CALU: variants seen among roughly 807,000 people sequenced by gnomAD.
The protein encoded by CALU is IEF SSP 9302.
CALU carries 13 observed loss-of-function variants against 37.5 expected under a neutral mutation model. The observed-to-expected ratio is 0.35, with a 90% CI of 0.23 to 0.55. CALU has a LOEUF of 0.55. CALU is among the 20% of genes least tolerant of loss of function. CALU has a pLI of 0.89. For missense variants in CALU, 282 were observed against 391.7 expected (o/e 0.72, Z 2.36); for synonymous variants, 114 against 133.8 (o/e 0.85, Z 1.02).
intron 1 of CALU, among the ~76,000 whole-genome samples, chr7:128,742,420 A>G (rs1800273459): frequency 6.6e-6 from 1 of 152,250 alleles, no homozygotes; most frequent in South Asian, 2.1e-4. Context: ...CATTTCTCCC[A>G]ATTGTTAACA....
At chr7:128,755,411 T>C (rs1800843625) in intron 3 of CALU, among the ~76,000 whole-genome samples, 1 of 150,502 alleles carries the variant, frequency 6.6e-6, no homozygotes, top group Non-Finnish European at 1.5e-5. Flanking sequence ...CCCAGTAAAG[T>C]GTTGGACCTA....
intron 3 of CALU, among the ~76,000 whole-genome samples, chr7:128,758,455 C>T (rs777262835): frequency 9.2e-5 from 14 of 152,146 alleles, no homozygotes; most frequent in South Asian, 2.1e-4. Context: ...CCTATGAAGC[C>T]GGCACCATTG....
chr7:128,772,732 T>A lies in CALU; in HGVS notation c.*3565T>A. 6.3e-7 allele frequency: 1 copy of A among 1,595,758 alleles called. No homozygotes were observed. Among genetic ancestry groups the A allele is most frequent in the South Asian group, 1.1e-5 (1 of 90,412 alleles). ...ATGGGAAAAAAGACCTTATTCTCTGTATCACCAAAGCCTTGCACAATGCTT... is the reference window on the plus strand; with the variant it reads ...ATGGGAAAAAAGACCTTATTCTCTGAATCACCAAAGCCTTGCACAATGCTT... On this transcript the variant is annotated 3_prime_UTR_variant, in exon 7 of 7. Coordinates refer to ENST00000249364, the MANE Select transcript of CALU (RefSeq NM_001219.5).
rs1007417450 is a variant in CALU, at chr7:128,772,721, C to T, written c.*3554C>T. ...GATGAGGAAGTATGGGAAAAAAGACCTTATTCTCTGTATCACCAAAGCCTT... is the reference window on the plus strand; with the variant it reads ...GATGAGGAAGTATGGGAAAAAAGACTTTATTCTCTGTATCACCAAAGCCTT... On this transcript the variant is annotated 3_prime_UTR_variant, in exon 7 of 7. Coordinates refer to ENST00000249364, the MANE Select transcript of CALU (RefSeq NM_001219.5). The T allele has an allele frequency of 1.2e-6, 2 of 1,607,838 alleles. No individual in the cohort carries two copies. The highest frequency in any genetic ancestry group is 2.2e-5 in the East Asian group (1 of 44,854).
chr7:128,749,105 G>GA (rs1466020834), intron 2 of CALU, among the ~76,000 whole-genome samples: 7 of 152,246 alleles, frequency 4.6e-5, no homozygotes, highest in Middle Eastern at 3.4e-3. Context: ...AGCATGGGGG[G>GA]ATTTCTCATC....
Position 128,754,258 on chromosome 7 carries a change from A to G in CALU, c.222-4A>G. 1.5e-5 allele frequency: 24 copies of G among 1,601,612 alleles called. No individual in the cohort carries two copies. Among genetic ancestry groups the G allele is most frequent in the Non-Finnish European group, 2.0e-5 (24 of 1,173,544 alleles). On this transcript the variant is annotated splice_polypyrimidine_tract_variant and splice_region_variant and intron_variant, in intron 2 of 6. Coordinates refer to ENST00000249364, the MANE Select transcript of CALU (RefSeq NM_001219.5). ...TTTGCTGGATTTCTCTGCATTTTCT[A>G]CAGAAAGATTGTAAGTAAAATAGAT...
In CALU at chr7:128,769,183, T is replaced by G. The variant is rs756419950; in HGVS notation, c.*16T>G. 6 of 1,278,094 alleles carry G rather than the reference T, an allele frequency of 4.7e-6. No individual in the cohort carries two copies. The Admixed American group carries it at 1.1e-4, about 24-fold the overall frequency. The allele number at this position is 1,278,094 out of a possible 1,614,324, so 79.2% of individuals were successfully genotyped here. A position where few individuals can be genotyped will look rare whatever the true frequency, so the allele number is the denominator to read the frequency against. ...TGAGTTCTGAGCTACGGAGGAACCC[T>G]CATTTCCTCAAAAGTAATTTATTTT... On this transcript the variant is annotated 3_prime_UTR_variant, in exon 7 of 7. Transcript: ENST00000249364.
intron 2 of CALU, among the ~76,000 whole-genome samples, chr7:128,752,768 G>A (rs560681440): frequency 9.4e-4 from 143 of 152,150 alleles, no homozygotes; most frequent in African/African-American, 3.4e-3. Context: ...CATTGCAACC[G>A]CCGCCTCCCA....
intron 5 of CALU, 76 bp from the exon 6 acceptor site, chr7:128,767,380 G>A (rs1368554997): frequency 1.8e-6 from 2 of 1,122,316 alleles, no homozygotes; most frequent in Non-Finnish European, 2.7e-6. Flanking sequence ...GAGGAAAAAG[G>A]GTTAGGCCAG....
chr7:128,759,460 A>T (rs1801015674), intron 4 of CALU, among the ~76,000 whole-genome samples: 1 of 152,244 alleles, frequency 6.6e-6, no homozygotes, highest in African/African-American at 2.4e-5. Flanking sequence ...CACTGGTCAC[A>T]TCTCCTGTTA....
At chr7:128,752,182 C>T (rs1408139402) in intron 2 of CALU, among the ~76,000 whole-genome samples, 1 of 151,912 alleles carries the variant, frequency 6.6e-6, no homozygotes, top group Admixed American at 6.6e-5. Flanking sequence ...CATATGTTGC[C>T]CACAAAGTCA....
In CALU at chr7:128,742,113, A is replaced by G. The variant is rs138361582; in HGVS notation, c.-12+2681A>G. 3.9e-5 allele frequency among the ~76,000 whole-genome samples: 6 copies of G among 152,344 alleles called. 1 individual carries two copies. In the East Asian group the frequency reaches 5.8e-4, roughly 15 times the overall value. On this transcript the variant is annotated intron_variant, in intron 1 of 6. Transcript: ENST00000249364. Reference sequence around the variant, plus strand: ...GACGTTAAATAAATTATGTGTTGGTATCATGACTTTTATCAAATCATGAAG... The same window carrying G: ...GACGTTAAATAAATTATGTGTTGGTGTCATGACTTTTATCAAATCATGAAG...
In CALU at chr7:128,758,944, A is replaced by G. The variant is rs201527879; in HGVS notation, c.489A>G (p.Ala163=). The change falls in exon 4 of 7, where the codon GCA becomes GCG. Residue 163 remains alanine (A), a synonymous_variant. Coordinates refer to ENST00000249364, the MANE Select transcript of CALU (RefSeq NM_001219.5). The stretch of plus-strand genomic sequence containing the variant: ...GAGATGAGCGGAGGTTTAAAATGGC[A>G]GACAAGGATGGAGACCTCATTGCCA... ...MVRDERRFKM[A]DKDGDLIATK... 305 of 1,613,504 alleles carry G rather than the reference A, an allele frequency of 1.9e-4. No homozygotes were observed. The highest frequency in any genetic ancestry group is 2.1e-4 in the Non-Finnish European group (247 of 1,179,518).
intron 4 of CALU, among the ~76,000 whole-genome samples, chr7:128,759,431 C>T (rs1307643538): frequency 6.6e-6 from 1 of 152,146 alleles, no homozygotes; most frequent in African/African-American, 2.4e-5. Context: ...CATAGACTAT[C>T]TATAGCTAAA....
intron 1 of CALU, among the ~76,000 whole-genome samples, chr7:128,747,380 C>A: frequency 6.6e-6 from 1 of 152,168 alleles, no homozygotes; most frequent in East Asian, 1.9e-4. Context: ...TCTTAACCTT[C>A]ACGTCATCAG....
At chr7:128,762,830 C>A (rs1801175527) in intron 5 of CALU, among the ~76,000 whole-genome samples, 1 of 152,052 alleles carries the variant, frequency 6.6e-6, no homozygotes, top group African/African-American at 2.4e-5. Flanking sequence ...CCACACCTGG[C>A]TAATTTTTGT....
intron 1 of CALU, among the ~76,000 whole-genome samples, chr7:128,739,664 C>T (rs974058964): frequency 1.3e-5 from 2 of 152,074 alleles, no homozygotes; most frequent in Non-Finnish European, 2.9e-5. Flanking sequence ...GGGGCTGGTC[C>T]GGTGGAACTC....
At chr7:128,765,811 A>G (rs559686967) in intron 5 of CALU, among the ~76,000 whole-genome samples, 1 of 152,290 alleles carries the variant, frequency 6.6e-6, no homozygotes, top group African/African-American at 2.4e-5. Flanking sequence ...CCAATTCCTA[A>G]TTTTTATTTT....
At chr7:128,757,142 C>T (rs1043711995) in intron 3 of CALU, among the ~76,000 whole-genome samples, 8 of 151,922 alleles carry the variant, frequency 5.3e-5, no homozygotes, top group African/African-American at 1.9e-4. Flanking sequence ...GTGCATGTTG[C>T]TATTAGGCTA....
Sources: gnomAD v4.1 joint callset for allele counts (sites outside exome capture counted in the v4.1 genomes callset) on GRCh38, gnomAD v4.1.1 for gene constraint, MANE v1.5 for transcripts, NCBI Gene and HGNC (gene_info 2026-07-23, HGNC 2026-07-21) for gene names.